Variants in RNF150 observed in about 807,000 individuals in gnomAD.
RNF150 encodes the protein ring finger protein 150.
In RNF150, 24 loss-of-function variants were observed where a neutral mutation model predicts 39.3. The ratio of observed to expected loss-of-function variants is 0.61; its 90% CI spans 0.44 to 0.86. RNF150 has a LOEUF of 0.86. Ranked by LOEUF, RNF150 falls within the 40% of genes least tolerant of loss-of-function variation. RNF150 has a pLI of 0.00. For synonymous variants in RNF150, 255 were observed against 227.3 expected, an observed-to-expected ratio of 1.12 and a Z score of -1.10; for missense variants, 502 against 587.8, an observed-to-expected ratio of 0.85 and a Z score of 1.51.
intron 1 of RNF150, among the ~76,000 whole-genome samples, chr4:140,980,119 C>T (rs1297777207): frequency 6.6e-6 from 1 of 151,956 alleles, no homozygotes; most frequent in Non-Finnish European, 1.5e-5. Context: ...CTTGGGTCAC[C>T]GCAACTTCTG....
intron 1 of RNF150, among the ~76,000 whole-genome samples, chr4:141,211,660 C>CATTTTTTTT (rs1728468030): frequency 6.8e-6 from 1 of 147,480 alleles, no homozygotes; most frequent in South Asian, 2.2e-4. Context: ...TTAACTATTT[C>CATTTTTTTT]ATTTATTTTA....
intron 2 of RNF150, among the ~76,000 whole-genome samples, chr4:140,955,900 A>T (rs1049147539): frequency 1.3e-5 from 2 of 152,222 alleles, no homozygotes; most frequent in African/African-American, 4.8e-5. Context: ...AATCAAAGGC[A>T]CATGGGCCAT....
At chr4:140,987,837 A>G (rs1005494105) in intron 1 of RNF150, among the ~76,000 whole-genome samples, 22 of 152,188 alleles carry the variant, frequency 1.4e-4, no homozygotes, top group African/African-American at 5.3e-4. Context: ...ACAGAATGGG[A>G]GAAAATATTC....
Position 140,980,767 on chromosome 4 carries a change from A to G in RNF150, c.485-12894T>C, listed in dbSNP as rs183377390. 3.1e-3 allele frequency among the ~76,000 whole-genome samples: 476 copies of G among 152,270 alleles called. 17 individuals are homozygous for G. Among genetic ancestry groups the G allele is most frequent in the Admixed American group, 0.029 (437 of 15,276 alleles). ...ATTGTAAGTTTCCTGAGGCCTCCCC[A>G]GCCCTATGGAACTGAGTCAATTAAA... On this transcript the variant is annotated intron_variant, in intron 1 of 6. Coordinates refer to ENST00000515673, the MANE Select transcript of RNF150 (RefSeq NM_020724.2).
intron 1 of RNF150, among the ~76,000 whole-genome samples, chr4:141,021,036 T>C (rs1735470835): frequency 6.6e-6 from 1 of 152,136 alleles, no homozygotes; most frequent in African/African-American, 2.4e-5. Context: ...AATGTAAGAA[T>C]TTATAGCCAA....
intron 1 of RNF150, among the ~76,000 whole-genome samples, chr4:141,096,136 A>T (rs1310332704): frequency 6.7e-6 from 1 of 150,350 alleles, no homozygotes; most frequent in Non-Finnish European, 1.5e-5. Context: ...TTGGTAACAC[A>T]GGAGTGGTGT....
At chr4:140,999,289 A>G (rs975567470) in intron 1 of RNF150, among the ~76,000 whole-genome samples, 1 of 152,204 alleles carries the variant, frequency 6.6e-6, no homozygotes, top group East Asian at 1.9e-4. Context: ...GAAGGAATCA[A>G]CTCTGCTGAT....
chr4:140,889,409 G>T (rs1729683686), intron 6 of RNF150, among the ~76,000 whole-genome samples: 1 of 152,048 alleles, frequency 6.6e-6, no homozygotes, highest in Admixed American at 6.6e-5. Context: ...AAAATAATTT[G>T]CATTTTTTGT....
chr4:140,915,827 G>A (rs1202578782), intron 5 of RNF150, among the ~76,000 whole-genome samples: 9 of 152,230 alleles, frequency 5.9e-5, no homozygotes, highest in East Asian at 5.8e-4. Flanking sequence ...TCACACGGCC[G>A]GGTACTCGTC....
At chr4:141,058,521 G>C (rs75629727) in intron 1 of RNF150, among the ~76,000 whole-genome samples, 1 of 152,044 alleles carries the variant, frequency 6.6e-6, no homozygotes, top group Non-Finnish European at 1.5e-5. Context: ...AACAGTTGCC[G>C]AATATTCCAC....
chr4:141,063,491 G>A (rs1026123359), intron 1 of RNF150, among the ~76,000 whole-genome samples: 1 of 152,112 alleles, frequency 6.6e-6, no homozygotes, highest in African/African-American at 2.4e-5. Context: ...TTATGATACA[G>A]TCTCAGAAGT....
intron 6 of RNF150, among the ~76,000 whole-genome samples, chr4:140,886,820 A>G (rs1420792339): frequency 6.6e-6 from 1 of 152,174 alleles, no homozygotes; most frequent in Admixed American, 6.5e-5. Context: ...AAAGGCCAAC[A>G]TATCAACTTT....
chr4:141,194,671 C>T (rs1346423271), intron 1 of RNF150, among the ~76,000 whole-genome samples: 2 of 152,026 alleles, frequency 1.3e-5, no homozygotes, highest in Admixed American at 6.6e-5. Context: ...AGGCCCATAA[C>T]CTCATATATA....
intron 1 of RNF150, among the ~76,000 whole-genome samples, chr4:141,147,233 G>T (rs1245607966): frequency 6.6e-6 from 1 of 152,200 alleles, no homozygotes; most frequent in Non-Finnish European, 1.5e-5. Flanking sequence ...AAATTTCAGG[G>T]ACTGAACAAA....
chr4:141,100,626 G>T lies in RNF150; in HGVS notation c.484+31699C>A, dbSNP rs1738972931. Among the ~76,000 whole-genome samples, 3 of 152,094 alleles carry T rather than the reference G, an allele frequency of 2.0e-5. No homozygotes were observed. In the South Asian group the frequency reaches 6.2e-4, roughly 32 times the overall value. ...CTAACTTGGGATGGATCTGACTAAGGGTACTATACAAAGAGGCATGCTAGG... is the reference window on the plus strand; with the variant it reads ...CTAACTTGGGATGGATCTGACTAAGTGTACTATACAAAGAGGCATGCTAGG... On this transcript the variant is annotated intron_variant, in intron 1 of 6. Coordinates refer to ENST00000515673, the MANE Select transcript of RNF150 (RefSeq NM_020724.2).
chr4:141,144,561 G>A (rs1259801617), intron 1 of RNF150, among the ~76,000 whole-genome samples: 2 of 151,146 alleles, frequency 1.3e-5, no homozygotes, highest in Non-Finnish European at 2.9e-5. Context: ...AGCTCAATTT[G>A]CTCTTGATGT....
rs778436174 is a variant in RNF150 at position 140,859,925 on chromosome 4, G to A, written c.*8336C>T. 14 of 151,844 alleles carry A rather than the reference G, an allele frequency of 9.2e-5. No individual in the cohort carries two copies. Among genetic ancestry groups the A allele is most frequent in the Admixed American group, 5.9e-4 (9 of 15,222 alleles). 9.4% of individuals were successfully genotyped at this position (151,844 alleles called of 1,614,324 possible). A position where few individuals can be genotyped will look rare whatever the true frequency, so the allele number is the denominator to read the frequency against. ...GCAATATTTTTTTTTTAGCCAGTACGTAAGAACACGATTGCACTTATTTAC... is the reference window on the plus strand; with the variant it reads ...GCAATATTTTTTTTTTAGCCAGTACATAAGAACACGATTGCACTTATTTAC... On this transcript the variant is annotated 3_prime_UTR_variant, in exon 7 of 7. Transcript: ENST00000515673.
chr4:140,946,963 T>G (rs1162459079), intron 4 of RNF150, among the ~76,000 whole-genome samples: 2 of 152,188 alleles, frequency 1.3e-5, no homozygotes, highest in African/African-American at 4.8e-5. Context: ...TTTAAAAAGA[T>G]TTGGTTTCAT....
intron 1 of RNF150, among the ~76,000 whole-genome samples, chr4:141,037,352 T>C (rs1477509561): frequency 6.6e-6 from 1 of 152,128 alleles, no homozygotes; most frequent in Non-Finnish European, 1.5e-5. Context: ...AAGAAACCAA[T>C]GCATAATATT....
Sources: allele counts gnomAD v4.1 joint callset (sites outside exome capture counted in the v4.1 genomes callset), GRCh38; gene constraint gnomAD v4.1.1; transcripts MANE v1.5; gene names NCBI Gene and HGNC (gene_info 2026-07-23, HGNC 2026-07-21).